Variants in ENOX2 observed in about 807,000 individuals in gnomAD.
ENOX2 encodes the protein APK1 antigen.
A neutral mutation model predicts 45.0 loss-of-function variants in ENOX2; 36 were observed. The ratio of observed to expected loss-of-function variants is 0.80; its 90% confidence interval spans 0.61 to 1.06. ENOX2 has a LOEUF of 1.06. Among genes scored for constraint, ENOX2 ranks in the 50% least tolerant of loss-of-function variants. The probability of loss-of-function intolerance (pLI) is 0.00; values close to 1 mark genes in which losing one functional copy is unlikely to be tolerated. For synonymous variants in ENOX2, 174 were observed against 152.3 expected, an observed-to-expected ratio of 1.14 and a Z score of -1.05; for missense variants, 423 against 462.5, an observed-to-expected ratio of 0.91 and a Z score of 0.78.
intron 2 of ENOX2, among the ~76,000 whole-genome samples, chrX:130,845,586 C>T (rs890442041): frequency 3.6e-5 from 4 of 112,336 alleles, no homozygotes; most frequent in African/African-American, 9.7e-5. Context: ...CTGCCTCAGC[C>T]TCCTGAGTAG....
In ENOX2 at chrX:130,840,385, T is replaced by C. The variant is rs183625568; in HGVS notation, c.-182-56695A>G. 1.2e-3 allele frequency among the ~76,000 whole-genome samples: 130 copies of C among 110,073 alleles called. 1 individual carries two copies. The highest frequency in any genetic ancestry group is 4.1e-3 in the African/African-American group (123 of 30,370). On this transcript the variant is annotated intron_variant, in intron 2 of 14. Transcript: ENST00000394363. The stretch of plus-strand genomic sequence containing the variant: ...TGAAATTAAAATGCATTCTATATAC[T>C]CTATGGTTAAACAACTCACAACCAA...
At chrX:130,879,006 C>T (rs1051277941) in intron 2 of ENOX2, among the ~76,000 whole-genome samples, 5 of 112,151 alleles carry the variant, frequency 4.5e-5, no homozygotes, top group African/African-American at 1.6e-4. Context: ...AATTATTTTA[C>T]GTTCCTCATA....
chrX:130,888,002 T>C (rs2078935830), intron 2 of ENOX2, among the ~76,000 whole-genome samples: 1 of 112,084 alleles, frequency 8.9e-6, no homozygotes, highest in Admixed American at 9.5e-5. Context: ...TAAATTCTAT[T>C]GAACATGACA....
rs1337172184 is a variant in ENOX2 at position 130,625,384 on chromosome X, A to G, written c.1676T>C (p.Met559Thr). ...GRLQHTFKQEMTGVGASLEKR... is the reference protein window; with the variant it reads ...GRLQHTFKQETTGVGASLEKR... ...TTCCAGGCTGGCTCCAACTCCAGTC[A>G]TTTCCTGCTTGAAGGTATGCTGGAG... is the stretch of plus-strand genomic sequence containing the variant. The change falls in exon 15 of 15, where the codon ATG becomes ACG. Residue 559 changes from methionine to threonine, a missense_variant. Met to Thr is a moderately conservative substitution (Grantham distance 81). Around this residue, in one of 5 missense-constraint regions of ENOX2, gnomAD observed 34 missense variants for 31.3 expected, o/e 1.09. Transcript: ENST00000394363. 2.5e-6 allele frequency: 3 copies of G among 1,210,477 alleles called. No individual in the cohort carries two copies. Among genetic ancestry groups the G allele is most frequent in the Admixed American group, 4.3e-5 (2 of 46,023 alleles).
At chrX:130,678,048 T>C (rs1248828308) in intron 6 of ENOX2, among the ~76,000 whole-genome samples, 3 of 107,685 alleles carry the variant, frequency 2.8e-5, no homozygotes, top group Non-Finnish European at 5.8e-5. Flanking sequence ...AATCACATCA[T>C]TGCACTCCAG....
At chrX:130,767,639 A>G (rs184460642) in intron 3 of ENOX2, among the ~76,000 whole-genome samples, 3 of 112,083 alleles carry the variant, frequency 2.7e-5, no homozygotes, top group East Asian at 2.8e-4. Flanking sequence ...CCTATAATAC[A>G]CAAGAAATAG....
chrX:130,781,935 C>T (rs1447105538), intron 3 of ENOX2, among the ~76,000 whole-genome samples: 1 of 111,114 alleles, frequency 9.0e-6, no homozygotes, highest in African/African-American at 3.3e-5. Context: ...AAAAGACCAC[C>T]GCAGCGTAGA....
rs187700067 is a variant in ENOX2, at chrX:130,843,853, T to C, written c.-183+57831A>G. ...ATGTGTAATCACATATCCTTCTGTA[T>C]GTGATTCTCTATTTCTCTGCTTCTC... is the stretch of plus-strand genomic sequence containing the variant. On this transcript the variant is annotated intron_variant, in intron 2 of 14. Coordinates refer to ENST00000394363, the MANE Select transcript of ENOX2 (RefSeq NM_006375.4). Among the ~76,000 whole-genome samples the C allele has an allele frequency of 1.9e-3, 212 of 112,264 alleles. 1 individual carries two copies. Among genetic ancestry groups the C allele is most frequent in the Non-Finnish European group, 3.4e-3 (181 of 53,245 alleles).
intron 3 of ENOX2, among the ~76,000 whole-genome samples, chrX:130,715,126 T>C (rs2038292816): frequency 9.0e-6 from 1 of 111,722 alleles, no homozygotes; most frequent in Non-Finnish European, 1.9e-5. Flanking sequence ...ACTGGAGTCA[T>C]TTTGTATTCC....
chrX:130,710,666 C>G (rs1254645152), intron 3 of ENOX2, among the ~76,000 whole-genome samples: 5 of 111,921 alleles, frequency 4.5e-5, no homozygotes, highest in Non-Finnish European at 9.4e-5. Flanking sequence ...CCCCTGGTTT[C>G]TTCCATAATC....
intron 8 of ENOX2, 127 bp downstream of exon 8, chrX:130,667,403 A>G: frequency 1.8e-6 from 1 of 561,942 alleles, no homozygotes; most frequent in South Asian, 2.7e-5. Flanking sequence ...GGAGAGCACA[A>G]GGCAGTGAAA....
chrX:130,815,803 G>A (rs1330135609), intron 2 of ENOX2, among the ~76,000 whole-genome samples: 1 of 111,730 alleles, frequency 9.0e-6, no homozygotes, highest in East Asian at 2.8e-4. Flanking sequence ...ATACCTAATC[G>A]TAAAGACCAT....
At chrX:130,653,929 T>C (rs111580007) in intron 10 of ENOX2, among the ~76,000 whole-genome samples, 6 of 111,959 alleles carry the variant, frequency 5.4e-5, no homozygotes, top group African/African-American at 1.9e-4. Flanking sequence ...TCGAAATCAT[T>C]TAGGATGGCT....
At chrX:130,776,574 CAGA>C (rs776001740) in intron 3 of ENOX2, among the ~76,000 whole-genome samples, 2 of 111,325 alleles carry the variant, frequency 1.8e-5, no homozygotes, top group Admixed American at 9.6e-5. Context: ...AAGGCCTCCC[CAGA>C]AGCTGAGCAG....
Position 130,697,679 on chromosome X carries a change from T to C in ENOX2, c.97+5441A>G, listed in dbSNP as rs142023133. 1.6e-3 allele frequency among the ~76,000 whole-genome samples: 181 copies of C among 112,071 alleles called. 1 individual carries two copies. Among genetic ancestry groups the C allele is most frequent in the African/African-American group, 5.5e-3 (169 of 30,897 alleles). On this transcript the variant is annotated intron_variant, in intron 4 of 14. Transcript: ENST00000394363. ...CGCGGGGCTTCTCACAGTACCTTCA[T>C]ACCGGCAGGCTTCAGTGAATATTTC...
At chrX:130,728,481 A>G (rs1490145306) in intron 3 of ENOX2, among the ~76,000 whole-genome samples, 1 of 111,230 alleles carries the variant, frequency 9.0e-6, no homozygotes, top group Non-Finnish European at 1.9e-5. Context: ...CAAGATATGG[A>G]TCTCAGCCCT....
At chrX:130,791,072 CCT>C (rs757378977) in intron 2 of ENOX2, among the ~76,000 whole-genome samples, 1 of 111,638 alleles carries the variant, frequency 9.0e-6, no homozygotes, top group African/African-American at 3.3e-5. Flanking sequence ...TATCCTTCTG[CCT>C]CTGTCTCCCT....
intron 3 of ENOX2, among the ~76,000 whole-genome samples, chrX:130,722,327 A>C (rs977759516): frequency 5.4e-5 from 6 of 112,102 alleles, no homozygotes; most frequent in Admixed American, 2.8e-4. Context: ...TTGGGAAGAA[A>C]TATTTCTTTA....
intron 3 of ENOX2, among the ~76,000 whole-genome samples, chrX:130,748,804 T>C (rs2039152147): frequency 8.9e-6 from 1 of 111,970 alleles, no homozygotes; most frequent in African/African-American, 3.2e-5. Flanking sequence ...CTTGATGCCC[T>C]GGAGTACTGA....
Sources: allele counts gnomAD v4.1 joint callset (sites outside exome capture counted in the v4.1 genomes callset), GRCh38; gene constraint gnomAD v4.1.1; regional missense constraint gnomAD v4.1.1; transcripts MANE v1.5; gene names NCBI Gene and HGNC (gene_info 2026-07-23, HGNC 2026-07-21).